The following ZMYM5 variants were observed in gnomAD, a reference collection of about 807,000 sequenced individuals.
ZMYM5 encodes zinc finger MYM-type protein 5.
Under a neutral mutation model 61.8 loss-of-function variants are expected in ZMYM5, and 41 were observed. The observed-to-expected ratio is 0.66, with a 90% CI of 0.52 to 0.86. The LOEUF (loss-of-function observed/expected upper bound fraction) is 0.86. Among genes scored for constraint, ZMYM5 ranks in the 40% least tolerant of loss-of-function variants. The pLI, the probability that ZMYM5 is intolerant of heterozygous loss-of-function variation, is 0.00. For missense variants in ZMYM5, 706 were observed against 786.7 expected (o/e 0.90, Z 1.23); for synonymous variants, 257 against 276.4 (o/e 0.93, Z 0.70).
chr13:19,832,234 C>G (rs78081313), intron 7 of ZMYM5, among the ~76,000 whole-genome samples: 1 of 152,182 alleles, frequency 6.6e-6, no homozygotes, highest in East Asian at 1.9e-4. Context: ...AATTCTTACG[C>G]TTTTTGGAGG....
At chr13:19,856,621 C>CA (rs1250976772) in intron 2 of ZMYM5, among the ~76,000 whole-genome samples, 2 of 149,082 alleles carry the variant, frequency 1.3e-5, no homozygotes, top group Non-Finnish European at 3.0e-5. Context: ...GCCTGGGCAA[C>CA]AAGGGCGAAA....
chr13:19,829,674 A>C (rs949577864), intron 7 of ZMYM5, among the ~76,000 whole-genome samples: 5 of 152,126 alleles, frequency 3.3e-5, no homozygotes, highest in African/African-American at 1.2e-4. Context: ...AGTGCACTGT[A>C]GCCTCAAACG....
chr13:19,832,086 G>C (rs149833050), intron 7 of ZMYM5, among the ~76,000 whole-genome samples: 1,839 of 151,836 alleles, frequency 0.012, 43 homozygotes, highest in African/African-American at 0.041. Flanking sequence ...TCGAACTTCT[G>C]ACCTCAGGTG....
chr13:19,835,687 A>G lies in ZMYM5; in HGVS notation c.1041T>C (p.Ile347=). Residue 347 remains isoleucine (I), a splice_region_variant and synonymous_variant, in exon 7 of 8, where the codon ATT becomes ATC. Coordinates refer to ENST00000337963, the MANE Select transcript of ZMYM5 (RefSeq NM_001142684.2). ...CATTATTTACGCTGACTTCATGGCGAATCTAAAAGAAAAACCAGAATTCAT... is the reference window on the plus strand; with the variant it reads ...CATTATTTACGCTGACTTCATGGCGGATCTAAAAGAAAAACCAGAATTCAT... ...RCTICSKLAE[I]RHEVSVNNVT... The G allele has an allele frequency of 7.3e-7, 1 of 1,366,918 alleles. No individual in the cohort carries two copies. The highest frequency in any genetic ancestry group is 9.8e-7 in the Non-Finnish European group (1 of 1,021,550). 84.7% of individuals were successfully genotyped at this position (1,366,918 alleles called of 1,614,324 possible). A position where few individuals can be genotyped will look rare whatever the true frequency, so the allele number is the denominator to read the frequency against.
At chr13:19,835,826 ATTT>A in intron 6 of ZMYM5, 137 bp from the exon 7 acceptor site, 4 of 455,622 alleles carry the variant, frequency 8.8e-6, no homozygotes, top group Non-Finnish European at 1.0e-5. Flanking sequence ...CAGGGAAAAG[ATTT>A]TTTTTTTTTT....
intron 4 of ZMYM5, among the ~76,000 whole-genome samples, chr13:19,839,209 C>T (rs1952778540): frequency 6.6e-6 from 1 of 151,978 alleles, no homozygotes; most frequent in South Asian, 2.1e-4. Context: ...TAAATGTTGG[C>T]GTCTGGAATT....
intron 6 of ZMYM5, 58 bp downstream of exon 6, chr13:19,837,598 T>TA (rs1363689889): frequency 3.7e-6 from 6 of 1,605,100 alleles, no homozygotes; most frequent in Non-Finnish European, 5.1e-6. Flanking sequence ...TAATAGCACT[T>TA]AAAAGTTAAA....
intron 2 of ZMYM5, among the ~76,000 whole-genome samples, chr13:19,858,672 C>T (rs1435626216): frequency 2.7e-5 from 4 of 150,470 alleles, no homozygotes; most frequent in African/African-American, 4.9e-5. Flanking sequence ...AACAGGACTA[C>T]CACAAGGAAA....
chr13:19,852,171 A>G lies in ZMYM5; in HGVS notation c.10T>C (p.Cys4Arg), dbSNP rs1431387706. 6 of 1,592,718 alleles carry G rather than the reference A, an allele frequency of 3.8e-6. No homozygotes were observed. In the African/African-American group the frequency reaches 4.1e-5, roughly 11 times the overall value. The change falls in exon 3 of 8, where the codon TGT becomes CGT. Residue 4 changes from cysteine (C) to arginine (R), a missense_variant. By Grantham distance (180) the Cys-to-Arg change is radical. This residue lies in a region of ZMYM5 where 480 missense variants were observed against 461.7 expected (regional missense o/e 1.04). Transcript: ENST00000337963. The stretch of plus-strand genomic sequence containing the variant: ...GTCAACTCTAATCCTCCCACTGAAC[A>G]TTTTTCCATGCCAATGAACCTGTAG... MEK[C>R]SVGGLELTEQ... is the part of the protein sequence containing the mutation.
intron 4 of ZMYM5, 80 bp downstream of exon 4, chr13:19,851,274 TA>T: frequency 7.9e-7 from 1 of 1,260,778 alleles, no homozygotes; most frequent in Non-Finnish European, 1.1e-6. Flanking sequence ...AGAATGTGAA[TA>T]AAATAGATAT....
At chr13:19,840,935 C>G (rs918673071) in intron 4 of ZMYM5, among the ~76,000 whole-genome samples, 8 of 152,020 alleles carry the variant, frequency 5.3e-5, no homozygotes, top group African/African-American at 1.4e-4. Context: ...CCTTGGCCCC[C>G]CAAAGTGCTG....
chr13:19,856,628 G>A (rs1436079821), intron 2 of ZMYM5, among the ~76,000 whole-genome samples: 6 of 148,180 alleles, frequency 4.0e-5, no homozygotes, highest in Non-Finnish European at 7.4e-5. Context: ...CAACAAGGGC[G>A]AAACTCTGTC....
intron 6 of ZMYM5, 103 bp downstream of exon 6, chr13:19,837,553 C>G (rs143711234): frequency 6.2e-6 from 10 of 1,608,274 alleles, no homozygotes; most frequent in Non-Finnish European, 8.5e-6. Context: ...TGTTATACAT[C>G]CAGAACACGT....
At chr13:19,839,600 T>G (rs1164119994) in intron 4 of ZMYM5, among the ~76,000 whole-genome samples, 2 of 152,032 alleles carry the variant, frequency 1.3e-5, no homozygotes, top group Non-Finnish European at 2.9e-5. Flanking sequence ...GGTCACGGAC[T>G]CCTGGCCTCA....
chr13:19,847,598 T>C (rs1953121519), intron 4 of ZMYM5, among the ~76,000 whole-genome samples: 1 of 152,068 alleles, frequency 6.6e-6, no homozygotes, highest in Admixed American at 6.6e-5. Context: ...GTTATTTATG[T>C]TATATAATGG....
rs972320619 is a variant in ZMYM5 at position 19,851,068 on chromosome 13, G to A, written c.586+287C>T. Among the ~76,000 whole-genome samples the A allele has an allele frequency of 2.0e-5, 3 of 152,054 alleles. No individual in the cohort carries two copies. In the South Asian group the frequency reaches 6.2e-4, roughly 32 times the overall value. On this transcript the variant is annotated intron_variant, in intron 4 of 7. Coordinates refer to ENST00000337963, the MANE Select transcript of ZMYM5 (RefSeq NM_001142684.2). ...TACTAAAAACACAAAAACTAGCCGA[G>A]TGTGGTGGCAGGCGCCTGTAATCCC...
chr13:19,840,725 G>GT (rs1952839145), intron 4 of ZMYM5, among the ~76,000 whole-genome samples: 1 of 151,462 alleles, frequency 6.6e-6, no homozygotes, highest in South Asian at 2.1e-4. Context: ...CGCCCAGGCT[G>GT]GAGTGCAGTG....
At position 19,851,926 on chromosome 13, in the gene ZMYM5, T is replaced by A; in HGVS notation, c.255A>T (p.Ala85=). 1 of 1,613,646 alleles carries A rather than the reference T, an allele frequency of 6.2e-7. No individual in the cohort carries two copies. The highest frequency in any genetic ancestry group is 8.5e-7 in the Non-Finnish European group (1 of 1,179,932). Reference sequence around the variant, plus strand: ...CTTGAGGCTTTTCATTTTTTGATGATGCAAATATGAAGTTTCTTTGATCAG... The same window carrying A: ...CTTGAGGCTTTTCATTTTTTGATGAAGCAAATATGAAGTTTCTTTGATCAG... ...AIADQRNFIF[A]SSKNEKPQGN... is the part of the protein sequence containing the mutation. The change falls in exon 3 of 8, where the codon GCA becomes GCT. Residue 85 remains alanine (A), a synonymous_variant. Transcript: ENST00000337963.
At position 19,837,909 on chromosome 13, in the gene ZMYM5, T is replaced by A. The variant is rs549970658; in HGVS notation, c.873-88A>T. ...TTAATAATAATTGCCATTTTTCATTTTCTTATGATTTAATACTAGAAATCA... is the reference window on the plus strand; with the variant it reads ...TTAATAATAATTGCCATTTTTCATTATCTTATGATTTAATACTAGAAATCA... On this transcript the variant is annotated intron_variant, in intron 5 of 7. Transcript: ENST00000337963. The A allele has an allele frequency of 8.6e-6, 12 of 1,402,834 alleles. No individual in the cohort carries two copies. In the South Asian group the frequency reaches 1.7e-4, roughly 20 times the overall value. The allele number at this position is 1,402,834 out of a possible 1,614,324, so 86.9% of individuals were successfully genotyped here.
Sources: allele counts gnomAD v4.1 joint callset (sites outside exome capture counted in the v4.1 genomes callset), GRCh38; gene constraint gnomAD v4.1.1; regional missense constraint gnomAD v4.1.1; transcripts MANE v1.5; gene names NCBI Gene and HGNC (gene_info 2026-07-23, HGNC 2026-07-21).